Variants in TTI2 observed in about 807,000 individuals in gnomAD.
TTI2 encodes the protein TELO2-interacting protein 2.
TTI2 carries 26 observed loss-of-function variants against 44.9 expected under a neutral mutation model. The ratio of observed to expected loss-of-function variants is 0.58; its 90% CI spans 0.42 to 0.80. The LOEUF is 0.80. TTI2 is among the 30% of genes least tolerant of loss of function. The probability of loss-of-function intolerance (pLI) is 0.00; values close to 1 mark genes in which losing one functional copy is unlikely to be tolerated. For synonymous variants in TTI2, 254 were observed against 250.9 expected (o/e 1.01, Z -0.12); for missense variants, 582 against 611.6 (o/e 0.95, Z 0.51).
rs1487026719 is a variant in TTI2 at position 33,500,390 on chromosome 8, G to A, written c.1360C>T (p.Leu454=). 3 of 1,614,144 alleles carry A rather than the reference G, an allele frequency of 1.9e-6. No homozygotes were observed. Among genetic ancestry groups the A allele is most frequent in the Non-Finnish European group, 2.5e-6 (3 of 1,180,018 alleles). ...NLTPESVKSA[L]LQEATDCLIL... Reference sequence around the variant, plus strand: ...AGGCAGTCTGTGGCCTCCTGTAGCAGGGCGCTCTTAACAGACTCAGGTGTA... The same window carrying A: ...AGGCAGTCTGTGGCCTCCTGTAGCAAGGCGCTCTTAACAGACTCAGGTGTA... The change falls in exon 7 of 8, where the codon CTG becomes TTG. Residue 454 remains leucine, a synonymous_variant. Coordinates refer to ENST00000431156, the MANE Select transcript of TTI2 (RefSeq NM_001102401.4).
At chr8:33,502,590 T>G (rs1050202846) in intron 6 of TTI2, among the ~76,000 whole-genome samples, 1 of 151,920 alleles carries the variant, frequency 6.6e-6, no homozygotes, top group African/African-American at 2.4e-5. Context: ...TTTAGGAGGC[T>G]GAGGAGGGGA....
In TTI2 at chr8:33,500,493, G is replaced by A; in HGVS notation, c.1260-3C>T. The A allele has an allele frequency of 6.2e-7, 1 of 1,613,868 alleles. No homozygotes were observed. Among genetic ancestry groups the A allele is most frequent in the Non-Finnish European group, 8.5e-7 (1 of 1,179,954 alleles). ...AGACCACAAGTCTGCAGGAAACTCT[G>A]GAATCAGGAAGAAAAGCTATGTTCA... On this transcript the variant is annotated splice_polypyrimidine_tract_variant and splice_region_variant and intron_variant, in intron 6 of 7. Transcript: ENST00000431156.
intron 7 of TTI2, chr8:33,499,998 CT>C (rs368790113): frequency 0.032 from 5,388 of 168,890 alleles, 69 homozygotes; most frequent in East Asian, 0.085. Flanking sequence ...ATTATTTTTA[CT>C]TTTTTTTTTT....
rs902860728 is a variant in TTI2 at position 33,513,103 on chromosome 8, G to C, written c.-121C>G. ...GTACCTGCAACGGCTCGCGCCCGCC[G>C]GTGTCTAACAGGATCCGGACCTAGC... is the stretch of plus-strand genomic sequence containing the variant. On this transcript the variant is annotated 5_prime_UTR_variant, in exon 1 of 8. Coordinates refer to ENST00000431156, the MANE Select transcript of TTI2 (RefSeq NM_001102401.4). The C allele has an allele frequency of 6.3e-6, 1 of 158,520 alleles. No individual in the cohort carries two copies. The highest frequency in any genetic ancestry group is 1.4e-5 in the Non-Finnish European group (1 of 71,418). The allele number at this position is 158,520 out of a possible 1,614,324, so 9.8% of individuals were successfully genotyped here. A position where few individuals can be genotyped will look rare whatever the true frequency, so the allele number is the denominator to read the frequency against.
At chr8:33,499,660 G>T in intron 7 of TTI2, 2 of 176,070 alleles carry the variant, frequency 1.1e-5, no homozygotes, top group South Asian at 1.2e-4. Context: ...CATATTTTTA[G>T]GATATGAATT....
chr8:33,508,087 TAAAAAAAAAAA>T (rs58891946), intron 3 of TTI2, among the ~76,000 whole-genome samples: 20 of 19,510 alleles, frequency 1.0e-3, no homozygotes, highest in East Asian at 9.1e-3. Context: ...CTAGCGGTAG[TAAAAAAAAAAA>T]AAAAAAAAAA....
At chr8:33,499,731 C>T (rs966751290) in intron 7 of TTI2, 1 of 165,442 alleles carries the variant, frequency 6.0e-6, no homozygotes, top group Admixed American at 5.9e-5. Context: ...TTCATGCTAC[C>T]TTCAATCTTC....
intron 2 of TTI2, 45 bp downstream of exon 2, chr8:33,511,922 A>T: frequency 6.3e-7 from 1 of 1,592,668 alleles, no homozygotes; most frequent in Non-Finnish European, 8.6e-7. Context: ...ATAAAAATAA[A>T]AAACTGTGAG....
rs769193152 is a variant in TTI2 at position 33,507,354 on chromosome 8, T to G, written c.835-33A>C. ...CAGACAAATCGTCAAATTAAAAGAA[T>G]AGTTTCCCAAGATTGGCACATGTTG... is the stretch of plus-strand genomic sequence containing the variant. On this transcript the variant is annotated intron_variant, in intron 3 of 7. Coordinates refer to ENST00000431156, the MANE Select transcript of TTI2 (RefSeq NM_001102401.4). 5.0e-6 allele frequency: 8 copies of G among 1,595,684 alleles called. No homozygotes were observed. The South Asian group carries it at 7.7e-5, about 15-fold the overall frequency.
intron 7 of TTI2, 32 bp downstream of exon 7, chr8:33,500,296 C>G (rs546375792): frequency 1.4e-5 from 22 of 1,613,196 alleles, no homozygotes; most frequent in African/African-American, 2.7e-5. Context: ...GATAATGAGG[C>G]CCAACTGAAA....
chr8:33,499,429 G>GT (rs1033680467), intron 7 of TTI2, 152 bp from the exon 8 acceptor site: 20 of 623,020 alleles, frequency 3.2e-5, no homozygotes, highest in African/African-American at 5.6e-5. Context: ...GTATTAGTTG[G>GT]TTTTTTATTA....
Position 33,503,561 on chromosome 8 carries a change from A to C in TTI2, c.1127T>G (p.Leu376Arg), listed in dbSNP as rs766391051. Residue 376 changes from leucine to arginine, a missense_variant, in exon 6 of 8, where the codon CTA (leucine) becomes CGA (arginine). Transcript: ENST00000431156. The part of the protein sequence containing the change: ...LPAFVNRLGI[L>R]TVRHLKRLER... ...CAGCCTCTTTAAGTGCCGGACAGTTAGGATCCCCAACCTAAAGATGAAAGA... is the reference window on the plus strand; with the variant it reads ...CAGCCTCTTTAAGTGCCGGACAGTTCGGATCCCCAACCTAAAGATGAAAGA... The C allele has an allele frequency of 6.8e-6, 11 of 1,614,040 alleles. 1 individual carries two copies. In the East Asian group the frequency reaches 2.5e-4, roughly 36 times the overall value.
chr8:33,500,043 C>A, intron 7 of TTI2: 1 of 238,914 alleles, frequency 4.2e-6, no homozygotes, highest in Non-Finnish European at 8.1e-6. Context: ...TTAAATTTTA[C>A]AAACTTTTGA....
At position 33,499,237 on chromosome 8, in the gene TTI2, T is replaced by G. The variant is rs1273875928; in HGVS notation, c.1463A>C (p.Lys488Thr). 6.2e-7 allele frequency: 1 copy of G among 1,614,126 alleles called. No homozygotes were observed. The highest frequency in any genetic ancestry group is 8.5e-7 in the Non-Finnish European group (1 of 1,180,004). Residue 488 changes from lysine (K) to threonine (T), a missense_variant, in exon 8 of 8, where the codon AAA becomes ACA. By Grantham distance (78) the Lys-to-Thr change is moderately conservative (BLOSUM62 -1). Coordinates refer to ENST00000431156, the MANE Select transcript of TTI2 (RefSeq NM_001102401.4). ...CACTTTTCTGATATAGTTCACCACTTTTCTGTCTTCACAGCTTTGGGGAAT... is the reference window on the plus strand; with the variant it reads ...CACTTTTCTGATATAGTTCACCACTGTTCTGTCTTCACAGCTTTGGGGAAT... Reference protein sequence around the residue: ...AKIPQSCEDRKVVNYIRKVQQ... With the variant: ...AKIPQSCEDRTVVNYIRKVQQ...
intron 7 of TTI2, chr8:33,499,612 T>C: frequency 4.6e-6 from 1 of 219,340 alleles, no homozygotes; most frequent in Non-Finnish European, 9.1e-6. Flanking sequence ...TGAAATAGTT[T>C]GAATAAACTG....
At chr8:33,499,328 T>G in intron 7 of TTI2, 51 bp from the exon 8 acceptor site, 1 of 1,308,238 alleles carries the variant, frequency 7.6e-7, no homozygotes, top group Non-Finnish European at 1.1e-6. Flanking sequence ...TTTAATTACT[T>G]TCCCCTTTTG....
At position 33,498,779 on chromosome 8, in the gene TTI2, G is replaced by T; in HGVS notation, c.*394C>A. Reference sequence around the variant, plus strand: ...TTTTTATTATTTATGCCACGTCAGTGGGGCAAGAAATCTGGAGTGAGTGAA... The same window carrying T: ...TTTTTATTATTTATGCCACGTCAGTTGGGCAAGAAATCTGGAGTGAGTGAA... On this transcript the variant is annotated 3_prime_UTR_variant, in exon 8 of 8. Coordinates refer to ENST00000431156, the MANE Select transcript of TTI2 (RefSeq NM_001102401.4). The T allele has an allele frequency of 1.4e-6, 1 of 708,348 alleles. No individual in the cohort carries two copies. The highest frequency in any genetic ancestry group is 3.0e-5 in the Admixed American group (1 of 33,574). The allele number at this position is 708,348 out of a possible 1,614,324, so 43.9% of individuals were successfully genotyped here.
chr8:33,499,301 T>C, intron 7 of TTI2, 24 bp from the exon 8 acceptor site: 1 of 1,541,410 alleles, frequency 6.5e-7, no homozygotes, highest in South Asian at 1.1e-5. Flanking sequence ...CCAAACAGGC[T>C]TTGATATTTT....
In TTI2 at chr8:33,503,898, A is replaced by C. The variant is rs1809199547; in HGVS notation, c.965T>G (p.Leu322Arg). The C allele has an allele frequency of 6.2e-7, 1 of 1,613,972 alleles. No homozygotes were observed. The highest frequency in any genetic ancestry group is 8.5e-7 in the Non-Finnish European group (1 of 1,180,036). ...LLCLLDLFPI[L>R]EKTLHWKGDG... ...TCCTTTCCAGTGCAGGGTTTTCTCC[A>C]GGATGGGGAATAAATCCAGCAGACA... The change falls in exon 5 of 8, where the codon CTG (leucine) becomes CGG (arginine). Residue 322 changes from leucine (L) to arginine (R), a missense_variant. By Grantham distance (102) the Leu-to-Arg change is moderately radical. Transcript: ENST00000431156.
Sources: allele counts gnomAD v4.1 joint callset (sites outside exome capture counted in the v4.1 genomes callset), GRCh38; gene constraint gnomAD v4.1.1; transcripts MANE v1.5; gene names NCBI Gene and HGNC (gene_info 2026-07-23, HGNC 2026-07-21).